USP3: variants seen among roughly 807,000 people sequenced by gnomAD.
USP3 encodes ubiquitin carboxyl-terminal hydrolase 3.
A neutral mutation model predicts 72.3 loss-of-function variants in USP3; 20 were observed. That is an observed-to-expected ratio of 0.28 (90% CI 0.19 to 0.40). The LOEUF (loss-of-function observed/expected upper bound fraction) is 0.40. USP3 is among the 10% of genes least tolerant of loss of function. The probability of loss-of-function intolerance (pLI) is 1.00; values close to 1 mark genes in which losing one functional copy is unlikely to be tolerated. For synonymous variants in USP3, 222 were observed against 225.3 expected (o/e 0.99, Z 0.13); for missense variants, 479 against 633.9 (o/e 0.76, Z 2.62).
intron 8 of USP3, among the ~76,000 whole-genome samples, chr15:63,566,179 T>G (rs2066687529): frequency 6.6e-6 from 1 of 152,224 alleles, no homozygotes; most frequent in African/African-American, 2.4e-5. Flanking sequence ...CTTGTTATAA[T>G]TAATGTTTAA....
At chr15:63,589,779 T>G (rs1186734833) in intron 14 of USP3, among the ~76,000 whole-genome samples, 1 of 152,188 alleles carries the variant, frequency 6.6e-6, no homozygotes, top group Non-Finnish European at 1.5e-5. Context: ...TCTTAAATAC[T>G]CTAATGATTT....
Position 63,574,400 on chromosome 15 carries a change from C to T in USP3, c.1093C>T (p.Arg365Ter). 1.2e-6 allele frequency: 2 copies of T among 1,600,462 alleles called. No individual in the cohort carries two copies. Among genetic ancestry groups the T allele is most frequent in the Non-Finnish European group, 1.7e-6 (2 of 1,174,930 alleles). The change falls in exon 11 of 15, where the codon CGA becomes TGA. Residue 365 changes from arginine to a stop codon, truncating the protein, a stop_gained. Transcript: ENST00000380324. LOFTEE classifies it high-confidence loss of function. This position sits in a 1 kb window ranked among gnomAD's most constrained non-coding sequence, Gnocchi z 4.6. Reference protein sequence around the residue: ...NQENGPVCSLRDCLRSFTDLE... With the variant: ...NQENGPVCSL Reference sequence around the variant, plus strand: ...AGAAAATGGACCAGTTTGTTCGTTACGAGGTAAAGATACTTGAATGTTCTA... The same window carrying T: ...AGAAAATGGACCAGTTTGTTCGTTATGAGGTAAAGATACTTGAATGTTCTA...
At chr15:63,552,116 G>C (rs1235861655) in intron 3 of USP3, among the ~76,000 whole-genome samples, 5 of 152,190 alleles carry the variant, frequency 3.3e-5, no homozygotes, top group Admixed American at 1.3e-4. Context: ...ATCTGAGTTT[G>C]CTCTTAAGAC....
intron 3 of USP3, among the ~76,000 whole-genome samples, chr15:63,546,380 C>G (rs2066327681): frequency 6.6e-6 from 1 of 151,666 alleles, no homozygotes; most frequent in Admixed American, 6.6e-5. Context: ...CTTCAGAGGA[C>G]CAATCTACAC....
At chr15:63,586,744 T>C (rs2067072312) in intron 11 of USP3, 1 of 152,198 alleles carries the variant, frequency 6.6e-6, no homozygotes, top group Non-Finnish European at 1.5e-5. Context: ...TGACATAAAA[T>C]AGCAGGTTGA....
rs149034904 is a variant in USP3 at position 63,576,232 on chromosome 15, A to T, written c.1096+1829A>T. Among the ~76,000 whole-genome samples the T allele has an allele frequency of 3.9e-3, 593 of 152,148 alleles. 6 individuals are homozygous for T. The highest frequency in any genetic ancestry group is 0.013 in the African/African-American group (542 of 41,532). On this transcript the variant is annotated intron_variant, in intron 11 of 14. Transcript: ENST00000380324. ...AAACGCCTAACCTCAAGTGATCCAC[A>T]CCCCTTGGCTTCCTAAAGTGCTGGG...
intron 1 of USP3, among the ~76,000 whole-genome samples, chr15:63,520,554 ATTTTTTTT>A (rs35244583): frequency 9.5e-6 from 1 of 105,424 alleles, no homozygotes; most frequent in South Asian, 3.2e-4. Context: ...TCTGTTTTAG[ATTTTTTTT>A]TTTTTTTTTT....
rs976825946 is a variant in USP3 at position 63,570,011 on chromosome 15, G to A, written c.762-422G>A. Among the ~76,000 whole-genome samples, 1 of 152,182 alleles carries A rather than the reference G, an allele frequency of 6.6e-6. No individual in the cohort carries two copies. The highest frequency in any genetic ancestry group is 1.5e-5 in the Non-Finnish European group (1 of 68,032). On this transcript the variant is annotated intron_variant, in intron 8 of 14. Transcript: ENST00000380324. The surrounding 1 kb of genome is among the most constrained non-coding windows in gnomAD (Gnocchi z 4.4). ...ACACCTGGTTTTCTAGTGAGGGTAA[G>A]AGGTGAAGCTATGACATTGGAGCAT...
Position 63,591,538 on chromosome 15 carries a change from C to T in USP3, c.*712C>T, listed in dbSNP as rs1185646129. 1.3e-5 allele frequency: 2 copies of T among 152,008 alleles called. No individual in the cohort carries two copies. The highest frequency in any genetic ancestry group is 2.9e-5 in the Non-Finnish European group (2 of 68,020). The allele number at this position is 152,008 out of a possible 1,614,324, so 9.4% of individuals were successfully genotyped here. A position where few individuals can be genotyped will look rare whatever the true frequency, so the allele number is the denominator to read the frequency against. ...CGGGGAGGTAAGATGGGAGTAAAGA[C>T]CAAATACATGTAATGTTTAAAAAAA... On this transcript the variant is annotated 3_prime_UTR_variant, in exon 15 of 15. Transcript: ENST00000380324.
At chr15:63,589,441 G>A (rs1457480960) in intron 14 of USP3, among the ~76,000 whole-genome samples, 1 of 152,120 alleles carries the variant, frequency 6.6e-6, no homozygotes, top group Non-Finnish European at 1.5e-5. Context: ...TCTGGTTTTT[G>A]GTTTGAGAGT....
chr15:63,560,071 T>A, intron 7 of USP3, 101 bp downstream of exon 7: 1 of 935,472 alleles, frequency 1.1e-6, no homozygotes, highest in Non-Finnish European at 1.5e-6. Context: ...GCACATGCCT[T>A]AAAAAAAATC....
rs35244583 is a variant in USP3 at position 63,520,554 on chromosome 15, A to ATTTTTTTTTTTTTTTT, written c.92-12081_92-12066dup. ...TTTGTTTGTTTGATTTCTGTTTTAG[A>ATTTTTTTTTTTTTTTT]TTTTTTTTTTTTTTTTTTTTTTTTT... is the stretch of plus-strand genomic sequence containing the variant. On this transcript the variant is annotated intron_variant, in intron 1 of 14. Coordinates refer to ENST00000380324, the MANE Select transcript of USP3 (RefSeq NM_006537.4). Among the ~76,000 whole-genome samples the ATTTTTTTTTTTTTTTT allele has an allele frequency of 6.6e-5, 7 of 105,424 alleles. 3 individuals carry two copies. The highest frequency in any genetic ancestry group is 5.6e-5 in the Non-Finnish European group (3 of 53,948). The allele number at this position is 105,424 out of a possible 152,430, so 69.2% of individuals were successfully genotyped here. A position where few individuals can be genotyped will look rare whatever the true frequency, so the allele number is the denominator to read the frequency against.
At chr15:63,515,803 G>A (rs62011298) in intron 1 of USP3, among the ~76,000 whole-genome samples, 18,866 of 152,142 alleles carry the variant, frequency 0.12, 1,593 homozygotes, top group South Asian at 0.2. Flanking sequence ...ACAGAGACAG[G>A]TAATAGTATC....
At position 63,590,949 on chromosome 15, in the gene USP3, T is replaced by C; in HGVS notation, c.*123T>C. 7.8e-7 allele frequency: 1 copy of C among 1,275,048 alleles called. No individual in the cohort carries two copies. Among genetic ancestry groups the C allele is most frequent in the Non-Finnish European group, 1.0e-6 (1 of 967,164 alleles). The allele number at this position is 1,275,048 out of a possible 1,614,324, so 79.0% of individuals were successfully genotyped here. A position where few individuals can be genotyped will look rare whatever the true frequency, so the allele number is the denominator to read the frequency against. Reference sequence around the variant, plus strand: ...CAATTTCCTATTTTGGATTTAGTTTTGTCAATGGTAGTGACTTACTGAACA... The same window carrying C: ...CAATTTCCTATTTTGGATTTAGTTTCGTCAATGGTAGTGACTTACTGAACA... On this transcript the variant is annotated 3_prime_UTR_variant, in exon 15 of 15. Transcript: ENST00000380324.
intron 11 of USP3, among the ~76,000 whole-genome samples, chr15:63,586,275 G>GTCTT (rs767583859): frequency 6.6e-6 from 1 of 152,160 alleles, no homozygotes; most frequent in African/African-American, 2.4e-5. Flanking sequence ...AAAGCTTTCA[G>GTCTT]TCTTTCACCA....
At chr15:63,530,326 CTT>C (rs764559960) in intron 1 of USP3, among the ~76,000 whole-genome samples, 7 of 124,330 alleles carry the variant, frequency 5.6e-5, no homozygotes, top group Non-Finnish European at 8.5e-5. Flanking sequence ...TTACATCCAT[CTT>C]TTTTTTTTTT....
intron 3 of USP3, among the ~76,000 whole-genome samples, chr15:63,542,967 G>A (rs973403625): frequency 6.6e-6 from 1 of 152,162 alleles, no homozygotes; most frequent in African/African-American, 2.4e-5. Context: ...GGGGACTCTA[G>A]TAGAAAACAG....
intron 1 of USP3, among the ~76,000 whole-genome samples, chr15:63,517,421 G>A (rs62011299): frequency 0.029 from 4,353 of 152,158 alleles, 97 homozygotes; most frequent in Middle Eastern, 0.065. Flanking sequence ...TTTCTCCTGG[G>A]TTCCTCTTTT....
At chr15:63,566,532 C>T (rs2066694652) in intron 8 of USP3, among the ~76,000 whole-genome samples, 1 of 152,114 alleles carries the variant, frequency 6.6e-6, no homozygotes, top group Non-Finnish European at 1.5e-5. Context: ...CTAGGCTGGT[C>T]TCAAACTCCT....
Sources: gnomAD v4.1 joint callset for allele counts (sites outside exome capture counted in the v4.1 genomes callset) on GRCh38, gnomAD v4.1.1 for gene constraint, Gnocchi (gnomAD v3.1) non-coding constraint, MANE v1.5 for transcripts, NCBI Gene and HGNC (gene_info 2026-07-23, HGNC 2026-07-21) for gene names.